ATP2B2: variants seen among roughly 807,000 people sequenced by gnomAD.
ATP2B2 encodes plasma membrane calcium-transporting ATPase 2.
Under a neutral mutation model 120.0 loss-of-function variants are expected in ATP2B2, and 15 were observed. That is an observed-to-expected ratio of 0.12 (90% CI 0.08 to 0.19). ATP2B2 has a LOEUF of 0.19. ATP2B2 is among the 10% of genes least tolerant of loss of function. The pLI is 1.00. For missense variants in ATP2B2, 1,045 were observed against 1,719.8 expected, an observed-to-expected ratio of 0.61 and a Z score of 6.94; for synonymous variants, 694 against 700.3, an observed-to-expected ratio of 0.99 and a Z score of 0.14.
Position 10,345,400 on chromosome 3 carries a change from C to A in ATP2B2, c.2687G>T (p.Gly896Val), listed in dbSNP as rs2060403036. 1 of 1,614,092 alleles carries A rather than the reference C, an allele frequency of 6.2e-7. No individual in the cohort carries two copies. ...CGGACCCACCTGCGTGATGCAGGCG[C>A]CTGTGAAGGCCACAATCACGGCCAC... Reference protein sequence around the residue: ...NVVAVIVAFTGACITQDSPLK... With the variant: ...NVVAVIVAFTVACITQDSPLK... The change falls in exon 18 of 23, where the codon GGC (glycine) becomes GTC (valine). Residue 896 changes from glycine to valine, a missense_variant. Physicochemically the swap from Gly to Val is moderately radical, Grantham distance 109 (BLOSUM62 -3). This residue lies in a region of ATP2B2 where 98 missense variants were observed against 266.7 expected (regional missense o/e 0.37). Transcript: ENST00000360273.
rs2061746688 is a variant in ATP2B2 at position 10,388,418 on chromosome 3, A to G, written c.782-16T>C. 1.2e-6 allele frequency: 2 copies of G among 1,614,146 alleles called. No homozygotes were observed. Among genetic ancestry groups the G allele is most frequent in the Non-Finnish European group, 1.7e-6 (2 of 1,180,006 alleles). The stretch of plus-strand genomic sequence containing the variant: ...ACGTGGGTTCCTGGGAAAGGGGACA[A>G]AAGCCAAGTTACCATTGCATGGTTG... On this transcript the variant is annotated splice_polypyrimidine_tract_variant and intron_variant, in intron 5 of 22. Transcript: ENST00000360273.
intron 2 of ATP2B2, among the ~76,000 whole-genome samples, chr3:10,615,234 C>G (rs754127844): frequency 6.6e-6 from 1 of 152,146 alleles, no homozygotes; most frequent in Non-Finnish European, 1.5e-5. Context: ...TTCAAAGGAC[C>G]TGTCTGGCTG....
intron 18 of ATP2B2, among the ~76,000 whole-genome samples, chr3:10,344,152 C>A (rs376966986): frequency 6.6e-6 from 1 of 152,260 alleles, no homozygotes; most frequent in South Asian, 2.1e-4. Flanking sequence ...TTCCATATAC[C>A]TCAGGGTCAA....
intron 2 of ATP2B2, among the ~76,000 whole-genome samples, chr3:10,425,599 G>T (rs1185355459): frequency 1.3e-5 from 2 of 152,128 alleles, no homozygotes; most frequent in African/African-American, 4.8e-5. Flanking sequence ...CGGGCACACG[G>T]TAGGTGTTCA....
intron 1 of ATP2B2, among the ~76,000 whole-genome samples, chr3:10,675,710 T>C (rs1018370730): frequency 1.3e-5 from 2 of 152,162 alleles, no homozygotes; most frequent in Non-Finnish European, 1.5e-5. Context: ...GTCTCTGCAT[T>C]TGCTGTTCAG....
At chr3:10,546,383 T>A (rs1294695052) in intron 2 of ATP2B2, among the ~76,000 whole-genome samples, 1 of 152,206 alleles carries the variant, frequency 6.6e-6, no homozygotes, top group Non-Finnish European at 1.5e-5. Context: ...CTCACCCACC[T>A]TAGCCGGACA....
intron 3 of ATP2B2, among the ~76,000 whole-genome samples, chr3:10,407,775 C>T (rs34903): frequency 0.43 from 65,284 of 152,100 alleles, 15,005 homozygotes; most frequent in East Asian, 0.69. Context: ...CGATCGGCCA[C>T]GTGGGGAGTG....
At chr3:10,338,407 G>C (rs1436596329) in intron 21 of ATP2B2, 49 bp from the exon 22 acceptor site, 1 of 1,607,994 alleles carries the variant, frequency 6.2e-7, no homozygotes. Context: ...CTTCCCAGTG[G>C]CCTTCTCTCC....
chr3:10,441,535 C>T (rs968316742), intron 2 of ATP2B2, among the ~76,000 whole-genome samples: 10 of 152,146 alleles, frequency 6.6e-5, no homozygotes, highest in East Asian at 3.8e-4. Flanking sequence ...CCACTGCACC[C>T]GACATTTCCT....
intron 2 of ATP2B2, among the ~76,000 whole-genome samples, chr3:10,606,869 G>C (rs1559482946): frequency 7.4e-6 from 1 of 134,472 alleles, no homozygotes; most frequent in Non-Finnish European, 1.5e-5. Flanking sequence ...TAAGTGTAAT[G>C]ACGGAGTCTA....
chr3:10,545,919 C>T (rs1238625897), intron 2 of ATP2B2, among the ~76,000 whole-genome samples: 4 of 152,104 alleles, frequency 2.6e-5, no homozygotes, highest in Non-Finnish European at 2.9e-5. Flanking sequence ...GAGTAGAGAA[C>T]TGAAATGATA....
intron 2 of ATP2B2, among the ~76,000 whole-genome samples, chr3:10,614,622 A>C (rs1254606260): frequency 6.6e-6 from 1 of 152,184 alleles, no homozygotes; most frequent in Non-Finnish European, 1.5e-5. Flanking sequence ...AGCTTTGGCA[A>C]GTGGCCTCCC....
chr3:10,658,498 T>C (rs925921475), intron 1 of ATP2B2, among the ~76,000 whole-genome samples: 5 of 152,124 alleles, frequency 3.3e-5, no homozygotes, highest in African/African-American at 7.2e-5. Context: ...GTATCCATGA[T>C]TGAAGATCAA....
intron 3 of ATP2B2, among the ~76,000 whole-genome samples, chr3:10,533,820 C>A (rs939656400): frequency 1.3e-5 from 2 of 152,252 alleles, no homozygotes; most frequent in Non-Finnish European, 2.9e-5. Context: ...CAGTCTACAC[C>A]ATGCTCCTAA....
chr3:10,416,301 CCTGGATACAAA>C lies in ATP2B2; in HGVS notation c.200-5497_200-5487del, dbSNP rs532502210. Among the ~76,000 whole-genome samples the C allele has an allele frequency of 2.3e-3, 349 of 152,248 alleles. 7 individuals carry two copies. The highest frequency in any genetic ancestry group is 3.1e-3 in the South Asian group (15 of 4,828). ...TCAAAGTGCATCTGTATCCAGCTGT[CCTGGATACAAA>C]CTGGGCTCTTCCCCAGCCTCTAAAC... On this transcript the variant is annotated intron_variant, in intron 2 of 22. Coordinates refer to ENST00000360273, the MANE Select transcript of ATP2B2 (RefSeq NM_001001331.4).
Position 10,705,347 on chromosome 3 carries a change from C to T in ATP2B2, c.-460+2568G>A, listed in dbSNP as rs574255886. ...GTGGGGGTGGTATTCCTAAATAGAT[C>T]GTATACCCCTACACCTCCAAGCCCT... On this transcript the variant is annotated intron_variant, in intron 1 of 21. Coordinates refer to the ATP2B2 transcript ENST00000646379. 9.9e-5 allele frequency among the ~76,000 whole-genome samples: 15 copies of T among 152,284 alleles called. No individual in the cohort carries two copies. The South Asian group carries it at 1.0e-3, about 11-fold the overall frequency.
intron 1 of ATP2B2, among the ~76,000 whole-genome samples, chr3:10,500,189 T>G (rs1381923194): frequency 6.6e-6 from 1 of 151,560 alleles, no homozygotes. Context: ...CCACCTGTCT[T>G]GGCGTCCCAA....
At chr3:10,668,540 G>A (rs972698128) in intron 1 of ATP2B2, among the ~76,000 whole-genome samples, 2 of 152,158 alleles carry the variant, frequency 1.3e-5, no homozygotes, top group African/African-American at 4.8e-5. Context: ...TGCAGTAGCT[G>A]TTCCCATCCC....
rs148128495 is a variant in ATP2B2, at chr3:10,614,492, G to A, written c.-415+5425C>T. Among the ~76,000 whole-genome samples, 35 of 152,302 alleles carry A rather than the reference G, an allele frequency of 2.3e-4. No homozygotes were observed. The East Asian group carries it at 5.4e-3, about 23-fold the overall frequency. The stretch of plus-strand genomic sequence containing the variant: ...AACAGATGCTCTGAAAGCACAATGC[G>A]CCAGGTCATTTCCTTCAAAAATCAC... On this transcript the variant is annotated intron_variant, in intron 2 of 21. Transcript: ENST00000646379.
Sources: gnomAD v4.1 joint callset for allele counts (sites outside exome capture counted in the v4.1 genomes callset) on GRCh38, gnomAD v4.1.1 for gene constraint, gnomAD v4.1.1 regional missense constraint, MANE v1.5 for transcripts, NCBI Gene and HGNC (gene_info 2026-07-23, HGNC 2026-07-21) for gene names.